RTL4: variants seen among roughly 807,000 people sequenced by gnomAD.
RTL4 encodes the protein retrotransposon Gag-like protein 4.
RTL4 carries 4 observed loss-of-function variants against 5.3 expected under a neutral mutation model. The ratio of observed to expected loss-of-function variants is 0.75; its 90% CI spans 0.37 to 1.72. The LOEUF (loss-of-function observed/expected upper bound fraction) is 1.72, where lower values mean the gene tolerates loss of function less well. Ranked by LOEUF, RTL4 falls within the 40% of genes most tolerant of loss-of-function variation. The probability of loss-of-function intolerance (pLI) is 0.04; values close to 1 mark genes in which losing one functional copy is unlikely to be tolerated. For missense variants in RTL4, 260 were observed against 227.1 expected, an observed-to-expected ratio of 1.14 and a Z score of -0.93; for synonymous variants, 98 against 87.3, an observed-to-expected ratio of 1.12 and a Z score of -0.68.
chrX:112,278,249 C>T, the RTL4 span, among the ~76,000 whole-genome samples: 1 of 112,319 alleles, frequency 8.9e-6, no homozygotes, highest in Non-Finnish European at 1.9e-5. Flanking sequence ...TTCAGCTTCT[C>T]AAAATATTAT....
At chrX:112,100,669 T>C in the RTL4 span, among the ~76,000 whole-genome samples, 2 of 111,955 alleles carry the variant, frequency 1.8e-5, no homozygotes, top group Admixed American at 9.5e-5. Flanking sequence ...ATTCCAGAGC[T>C]GTATATCTTG....
the RTL4 span, among the ~76,000 whole-genome samples, chrX:112,180,211 C>A: frequency 9.0e-6 from 1 of 110,940 alleles, no homozygotes; most frequent in South Asian, 3.9e-4. Flanking sequence ...GGAGAAAATT[C>A]CCAAGCAAAG....
chrX:112,105,206 T>A, the RTL4 span, among the ~76,000 whole-genome samples: 2 of 111,873 alleles, frequency 1.8e-5, no homozygotes, highest in Non-Finnish European at 3.8e-5. Context: ...CTGTAAATAC[T>A]TGTACTTATT....
the RTL4 span, among the ~76,000 whole-genome samples, chrX:112,234,907 T>C: frequency 1.8e-5 from 2 of 111,740 alleles, no homozygotes; most frequent in African/African-American, 6.5e-5. Flanking sequence ...TCTGGTCTGA[T>C]GACTGCTTCT....
the RTL4 span, among the ~76,000 whole-genome samples, chrX:112,258,867 T>C: frequency 9.0e-6 from 1 of 111,591 alleles, no homozygotes; most frequent in East Asian, 2.8e-4. Flanking sequence ...TTTTACTATC[T>C]GGAATGTATT....
chrX:112,310,409 TATATA>T, the RTL4 span, among the ~76,000 whole-genome samples: 9 of 26,740 alleles, frequency 3.4e-4, no homozygotes, highest in East Asian at 8.9e-3. Flanking sequence ...TATATATATA[TATATA>T]TTTAATATAA....
chrX:112,097,601 G>A, the RTL4 span, among the ~76,000 whole-genome samples: 1 of 111,512 alleles, frequency 9.0e-6, no homozygotes, highest in South Asian at 3.8e-4. Context: ...ACGCCATCAC[G>A]CTCTAGCCTG....
At chrX:112,258,426 A>C in the RTL4 span, among the ~76,000 whole-genome samples, 1 of 111,260 alleles carries the variant, frequency 9.0e-6, no homozygotes, top group Non-Finnish European at 1.9e-5. Context: ...CTTCTGCTCA[A>C]TTTTGCTGTG....
chrX:112,265,278 T>A, the RTL4 span, among the ~76,000 whole-genome samples: 2 of 112,689 alleles, frequency 1.8e-5, no homozygotes, highest in South Asian at 3.6e-4. Flanking sequence ...AGAGGTTCTC[T>A]AAGGATCCAG....
the RTL4 span, among the ~76,000 whole-genome samples, chrX:112,332,904 G>A: frequency 9.0e-6 from 1 of 111,071 alleles, no homozygotes; most frequent in Non-Finnish European, 1.9e-5. Context: ...CTTCAATTGT[G>A]TCAGCTTGGT....
chrX:112,349,055 A>C, the RTL4 span, among the ~76,000 whole-genome samples: 15 of 111,221 alleles, frequency 1.3e-4, no homozygotes, highest in African/African-American at 4.2e-4. Flanking sequence ...CTTGCTTAGA[A>C]TAACATAGTA....
upstream of RTL4, among the ~76,000 whole-genome samples, chrX:112,449,885 C>T (rs1294989939): frequency 8.9e-6 from 1 of 112,133 alleles, no homozygotes; most frequent in African/African-American, 3.2e-5. Flanking sequence ...GTGACTTGCC[C>T]ATGTGGCCAT....
chrX:112,286,721 C>A, the RTL4 span, among the ~76,000 whole-genome samples: 2 of 111,597 alleles, frequency 1.8e-5, no homozygotes, highest in Admixed American at 9.5e-5. Context: ...TTAAAAAATT[C>A]AACCCTACAG....
the RTL4 span, among the ~76,000 whole-genome samples, chrX:112,310,814 T>C: frequency 4.6e-5 from 4 of 86,133 alleles, no homozygotes; most frequent in Non-Finnish European, 8.6e-5. Flanking sequence ...TATTATATAT[T>C]ATATATATTA....
the RTL4 span, among the ~76,000 whole-genome samples, chrX:112,149,210 G>A: frequency 9.0e-6 from 1 of 111,284 alleles, no homozygotes; most frequent in Non-Finnish European, 1.9e-5. Flanking sequence ...GACCTTTTTC[G>A]AGGCACTAGG....
chrX:112,085,223 C>G, the RTL4 span, among the ~76,000 whole-genome samples: 1 of 112,122 alleles, frequency 8.9e-6, no homozygotes, highest in Non-Finnish European at 1.9e-5. Flanking sequence ...GAGGCTACAT[C>G]TGCAAAAGTG....
chrX:112,434,566 G>T, the RTL4 span, among the ~76,000 whole-genome samples: 1 of 111,471 alleles, frequency 9.0e-6, no homozygotes, highest in East Asian at 2.9e-4. Context: ...ATTTCTGTGG[G>T]ATCGGTGGTG....
the RTL4 span, among the ~76,000 whole-genome samples, chrX:112,206,748 A>G: frequency 9.0e-6 from 1 of 111,493 alleles, no homozygotes; most frequent in Non-Finnish European, 1.9e-5. Flanking sequence ...CCTTTATCCA[A>G]TTGGTTTCTG....
At chrX:112,417,206 T>C in the RTL4 span, among the ~76,000 whole-genome samples, 1 of 111,602 alleles carries the variant, frequency 9.0e-6, no homozygotes, top group African/African-American at 3.3e-5. Context: ...CAGGTCTGTC[T>C]TCAGAAGTGG....
Sources: allele counts gnomAD v4.1 joint callset (sites outside exome capture counted in the v4.1 genomes callset), GRCh38; gene constraint gnomAD v4.1.1; transcripts MANE v1.5; gene names NCBI Gene and HGNC (gene_info 2026-07-23, HGNC 2026-07-21).